ZNF880: variants seen among roughly 807,000 people sequenced by gnomAD.
The protein encoded by ZNF880 is zinc finger protein LOC400713.
Under a neutral mutation model 11.8 loss-of-function variants are expected in ZNF880, and 12 were observed. The ratio of observed to expected loss-of-function variants is 1.02; its 90% CI spans 0.65 to 1.65. The LOEUF (loss-of-function observed/expected upper bound fraction) is 1.65. Ranked by LOEUF, ZNF880 falls within the 40% of genes most tolerant of loss-of-function variation. The pLI, the probability that ZNF880 is intolerant of heterozygous loss-of-function variation, is 0.00. For missense variants in ZNF880, 601 were observed against 673.9 expected (o/e 0.89, Z 1.20); for synonymous variants, 210 against 232.4 (o/e 0.90, Z 0.88).
chr19:52,396,228 C>T, the ZNF880 span: 1 of 151,994 alleles, frequency 6.6e-6, no homozygotes, highest in Admixed American at 6.6e-5. Context: ...CCTCGGCCTC[C>T]CAAAGTATTG....
intron 1 of ZNF880, among the ~76,000 whole-genome samples, chr19:52,371,077 G>A (rs1011644539): frequency 6.6e-6 from 1 of 152,176 alleles, no homozygotes; most frequent in Non-Finnish European, 1.5e-5. Flanking sequence ...GTGCACAGAT[G>A]AGCAAGTCTA....
chr19:52,376,158 T>C (rs1986544736), intron 3 of ZNF880, among the ~76,000 whole-genome samples: 1 of 152,176 alleles, frequency 6.6e-6, no homozygotes, highest in African/African-American at 2.4e-5. Context: ...TATAATGACT[T>C]CTTTTCCTCT....
intron 3 of ZNF880, among the ~76,000 whole-genome samples, chr19:52,381,801 AC>A (rs1433780216): frequency 6.6e-6 from 1 of 150,610 alleles, no homozygotes; most frequent in African/African-American, 2.4e-5. Flanking sequence ...TGAAATTGAA[AC>A]ATTCTATTTT....
chr19:52,370,906 T>A (rs185557448), intron 1 of ZNF880, among the ~76,000 whole-genome samples: 74 of 152,318 alleles, frequency 4.9e-4, no homozygotes, highest in Middle Eastern at 3.4e-3. Context: ...GCCACTGCAC[T>A]GCAACCTGGA....
upstream of ZNF880, among the ~76,000 whole-genome samples, chr19:52,369,317 G>A (rs925756596): frequency 1.8e-4 from 26 of 143,062 alleles, no homozygotes; most frequent in African/African-American, 6.5e-4. Context: ...AGCCGAGATC[G>A]CGCCACTTCA....
chr19:52,373,277 G>A (rs1430819063), intron 2 of ZNF880, 40 bp downstream of exon 2: 1 of 1,579,376 alleles, frequency 6.3e-7, no homozygotes, highest in Admixed American at 1.8e-5. Flanking sequence ...ATCTGCCCTG[G>A]TGTATTTTTG....
At chr19:52,370,174 G>A in intron 1 of ZNF880, 197 bp downstream of exon 1, 2 of 677,216 alleles carry the variant, frequency 3.0e-6, no homozygotes, top group Non-Finnish European at 5.1e-6. Context: ...TCCTGTCCCC[G>A]GTCTTTCACC....
the ZNF880 span, chr19:52,394,753 T>C: frequency 1.3e-5 from 2 of 152,196 alleles, no homozygotes; most frequent in South Asian, 2.1e-4. Flanking sequence ...AGTTCTGTGA[T>C]TCTTCATTAA....
intron 3 of ZNF880, among the ~76,000 whole-genome samples, chr19:52,377,826 C>T (rs572271237): frequency 2.0e-5 from 3 of 152,122 alleles, no homozygotes; most frequent in Non-Finnish European, 4.4e-5. Flanking sequence ...GATCTCGTGA[C>T]CCCATAGTTC....
chr19:52,384,085 C>T lies in ZNF880; in HGVS notation c.505C>T (p.Pro169Ser). 1 of 1,586,454 alleles carries T rather than the reference C, an allele frequency of 6.3e-7. No individual in the cohort carries two copies. Residue 169 changes from proline to serine, a missense_variant, in exon 4 of 4, where the codon CCA (proline) becomes TCA (serine). Pro to Ser is a moderately conservative substitution (Grantham distance 74, BLOSUM62 -1). This residue lies in a region of ZNF880 where 420 missense variants were observed against 442.6 expected (regional missense o/e 0.95). Transcript: ENST00000422689. ...ATACAGAAATGATTTTGATGATTCT[C>T]CATTTCTCCCACAAGAACAAAAAGC... ...NKYRNDFDDS[P>S]FLPQEQKAQI...
At chr19:52,369,892 T>G (rs1386741277), upstream of ZNF880, 3 of 1,546,832 alleles carry the variant, frequency 1.9e-6, no homozygotes, top group African/African-American at 1.4e-5. Flanking sequence ...CACCCGGGCC[T>G]GGCCTCGCCT....
intron 1 of ZNF880, among the ~76,000 whole-genome samples, chr19:52,372,412 C>T (rs866813891): frequency 1.4e-5 from 2 of 146,256 alleles, no homozygotes; most frequent in African/African-American, 2.5e-5. Flanking sequence ...CTCAGCCTCA[C>T]GAGTAACTGG....
At chr19:52,376,493 AC>A (rs1986554632) in intron 3 of ZNF880, among the ~76,000 whole-genome samples, 2 of 104,410 alleles carry the variant, frequency 1.9e-5, no homozygotes, top group African/African-American at 7.4e-5. Context: ...TGTCCTTAGC[AC>A]CGCCCCCCCC....
the ZNF880 span, among the ~76,000 whole-genome samples, chr19:52,393,596 T>C: frequency 6.6e-6 from 1 of 152,152 alleles, no homozygotes; most frequent in Admixed American, 6.6e-5. Context: ...GTTTGGGTTT[T>C]TTGTCTTTCT....
chr19:52,394,503 G>A, the ZNF880 span, among the ~76,000 whole-genome samples: 15 of 152,266 alleles, frequency 9.9e-5, no homozygotes, highest in Non-Finnish European at 2.1e-4. Context: ...CCAAAGTGCT[G>A]GGATTACAGG....
chr19:52,388,966 G>T (rs1271356748), downstream of ZNF880: 1 of 152,218 alleles, frequency 6.6e-6, no homozygotes, highest in Non-Finnish European at 1.5e-5. Flanking sequence ...GAGAGCCCGT[G>T]CAGGGAAACT....
At chr19:52,366,949 A>G (rs1986129207), upstream of ZNF880, 2 of 573,804 alleles carry the variant, frequency 3.5e-6, no homozygotes, top group Admixed American at 3.2e-5. Flanking sequence ...ATATATAAAT[A>G]ATCTATAAAG....
chr19:52,376,911 C>T (rs1251022158), intron 3 of ZNF880, among the ~76,000 whole-genome samples: 1 of 152,088 alleles, frequency 6.6e-6, no homozygotes, highest in African/African-American at 2.4e-5. Flanking sequence ...ACATAGTTTG[C>T]AAAGATTTTC....
At chr19:52,382,431 A>AGGAGTCCCTTTAGCATTTT (rs1182140379) in intron 3 of ZNF880, among the ~76,000 whole-genome samples, 1 of 152,156 alleles carries the variant, frequency 6.6e-6, no homozygotes, top group Non-Finnish European at 1.5e-5. Flanking sequence ...TTTATATTGA[A>AGGAGTCCCTTTAGCATTTT]GGAGTCCCTT....
Sources: gnomAD v4.1 joint callset for allele counts (sites outside exome capture counted in the v4.1 genomes callset) on GRCh38, gnomAD v4.1.1 for gene constraint, gnomAD v4.1.1 regional missense constraint, MANE v1.5 for transcripts, NCBI Gene and HGNC (gene_info 2026-07-23, HGNC 2026-07-21) for gene names.